BLNK: variants seen among roughly 807,000 people sequenced by gnomAD.
BLNK encodes B-cell linker protein.
A neutral mutation model predicts 73.5 loss-of-function variants in BLNK; 29 were observed. The observed-to-expected ratio is 0.39, with a 90% CI of 0.29 to 0.54. The LOEUF is 0.54. Among genes scored for constraint, BLNK ranks in the 20% least tolerant of loss-of-function variants. The pLI is 0.61. For missense variants in BLNK, 460 were observed against 562.8 expected (o/e 0.82, Z 1.85); for synonymous variants, 176 against 200.8 (o/e 0.88, Z 1.04).
chr10:96,264,678 G>T (rs191808321), intron 1 of BLNK, among the ~76,000 whole-genome samples: 1 of 152,168 alleles, frequency 6.6e-6, no homozygotes, highest in Non-Finnish European at 1.5e-5. Flanking sequence ...CCTACCCATC[G>T]GTTTCAAAAA....
chr10:96,257,737 A>G (rs1433558890), intron 1 of BLNK, among the ~76,000 whole-genome samples: 1 of 152,214 alleles, frequency 6.6e-6, no homozygotes, highest in Non-Finnish European at 1.5e-5. Flanking sequence ...TTATTCCACA[A>G]ATATTCAGTG....
chr10:96,190,274 C>G lies in BLNK; in HGVS notation c.*1699G>C, dbSNP rs1462962528. ...GAAAGCAGACGGAGATAAACGACCA[C>G]TGCTCAAGAGAACAGCCATACAGGA... is the stretch of plus-strand genomic sequence containing the variant. On this transcript the variant is annotated 3_prime_UTR_variant, in exon 17 of 17. Coordinates refer to ENST00000224337, the MANE Select transcript of BLNK (RefSeq NM_013314.4). The G allele has an allele frequency of 1.4e-6, 1 of 699,774 alleles. No individual in the cohort carries two copies. Among genetic ancestry groups the G allele is most frequent in the African/African-American group, 1.7e-5 (1 of 57,820 alleles). The allele number at this position is 699,774 out of a possible 1,614,324, so 43.3% of individuals were successfully genotyped here.
At chr10:96,229,377 G>C (rs1013546477) in intron 4 of BLNK, among the ~76,000 whole-genome samples, 2 of 152,108 alleles carry the variant, frequency 1.3e-5, no homozygotes, top group Non-Finnish European at 2.9e-5. Flanking sequence ...AATTCTGGAG[G>C]CTTTATTAAC....
chr10:96,255,421 A>G (rs1441616177), intron 1 of BLNK, among the ~76,000 whole-genome samples: 2 of 152,250 alleles, frequency 1.3e-5, no homozygotes, highest in African/African-American at 2.4e-5. Context: ...AAATAAGATC[A>G]TAAAACATCT....
chr10:96,270,048 AC>A (rs1844203250), intron 1 of BLNK, among the ~76,000 whole-genome samples: 1 of 151,652 alleles, frequency 6.6e-6, no homozygotes, highest in African/African-American at 2.4e-5. Context: ...CCATTGTATC[AC>A]CCCCGCCCCT....
intron 12 of BLNK, 26 bp downstream of exon 12, chr10:96,204,506 T>G: frequency 6.2e-7 from 1 of 1,609,516 alleles, no homozygotes; most frequent in Non-Finnish European, 8.5e-7. Flanking sequence ...AAGAGGAAAC[T>G]GATCTTTAAA....
rs1303770831 is a variant in BLNK, at chr10:96,190,625, A to G, written c.*1348T>C. Among the ~76,000 whole-genome samples the G allele has an allele frequency of 6.6e-6, 1 of 152,196 alleles. No individual in the cohort carries two copies. Among genetic ancestry groups the G allele is most frequent in the Non-Finnish European group, 1.5e-5 (1 of 68,036 alleles). On this transcript the variant is annotated 3_prime_UTR_variant, in exon 17 of 17. Transcript: ENST00000224337. ...GAAGTGAGTCATGAGTTACCCTGAA[A>G]TTATTACCTTCTGGCCTTTCAACAT...
intron 1 of BLNK, among the ~76,000 whole-genome samples, chr10:96,249,244 T>TC (rs1198675929): frequency 6.6e-6 from 1 of 152,208 alleles, no homozygotes; most frequent in East Asian, 1.9e-4. Context: ...TAGAAATAGT[T>TC]TAGCATAGGT....
At chr10:96,255,614 T>G (rs1554910850) in intron 1 of BLNK, among the ~76,000 whole-genome samples, 1 of 152,196 alleles carries the variant, frequency 6.6e-6, no homozygotes, top group Admixed American at 6.5e-5. Context: ...AGTGACTCTT[T>G]GTAAACAAAC....
Position 96,227,583 on chromosome 10 carries a change from A to G in BLNK, c.205-17T>C. 6.2e-7 allele frequency: 1 copy of G among 1,613,774 alleles called. No individual in the cohort carries two copies. Among genetic ancestry groups the G allele is most frequent in the Admixed American group, 1.7e-5 (1 of 60,036 alleles). ...GTCGCTGTCCTGCAAGTGCAGATGC[A>G]GACACTGTGCTCAGCATCCCCGTCT... On this transcript the variant is annotated splice_polypyrimidine_tract_variant and intron_variant, in intron 4 of 16. Coordinates refer to ENST00000224337, the MANE Select transcript of BLNK (RefSeq NM_013314.4).
intron 1 of BLNK, among the ~76,000 whole-genome samples, chr10:96,253,615 A>G (rs1843378495): frequency 6.6e-6 from 1 of 152,234 alleles, no homozygotes; most frequent in African/African-American, 2.4e-5. Context: ...ACCCTAAACC[A>G]TATCAATAGA....
intron 12 of BLNK, 120 bp from the exon 13 acceptor site, chr10:96,204,208 AATAAAATGTATCTAAAG>A (rs2083735644): frequency 5.5e-6 from 6 of 1,081,548 alleles, no homozygotes; most frequent in Non-Finnish European, 8.5e-6. Flanking sequence ...ACAAATGGCC[AATAAAATGTATCTAAAG>A]ATAAAAGAGC....
chr10:96,221,079 C>T lies in BLNK; in HGVS notation c.525+2747G>A, dbSNP rs141910084. On this transcript the variant is annotated intron_variant, in intron 6 of 16. Coordinates refer to ENST00000224337, the MANE Select transcript of BLNK (RefSeq NM_013314.4). ...TTTTATTGAATTCTTATAAAAATAC[C>T]CTCTAAATATATTCCCTCTGTGACC... Among the ~76,000 whole-genome samples the T allele has an allele frequency of 7.5e-3, 1,142 of 152,234 alleles. 9 individuals carry two copies. Among genetic ancestry groups the T allele is most frequent in the Non-Finnish European group, 0.012 (812 of 68,012 alleles).
chr10:96,250,520 C>T (rs1902707), intron 1 of BLNK, among the ~76,000 whole-genome samples: 2,340 of 151,828 alleles, frequency 0.015, 33 homozygotes, highest in South Asian at 0.061. Context: ...GGGCAGAGGG[C>T]AGCTCGTTGT....
chr10:96,237,063 A>G (rs66531557), intron 3 of BLNK, among the ~76,000 whole-genome samples: 10,459 of 152,146 alleles, frequency 0.069, 836 homozygotes, highest in East Asian at 0.41. Flanking sequence ...AAGCTTTAAA[A>G]TACCTTTGAG....
At chr10:96,194,768 A>ATTTTTTTTTTTTTTTTTTTTT (rs71034364) in intron 16 of BLNK, among the ~76,000 whole-genome samples, 1 of 110,286 alleles carries the variant, frequency 9.1e-6, no homozygotes, top group Non-Finnish European at 1.8e-5. Context: ...AGAAATGCAA[A>ATTTTTTTTTTTTTTTTTTTTT]TTTTTTTTTT....
chr10:96,238,792 C>T (rs1483339649), intron 3 of BLNK: 8 of 214,376 alleles, frequency 3.7e-5, no homozygotes, highest in East Asian at 2.8e-4. Context: ...GATGCATTTC[C>T]GAGACCCTGG....
chr10:96,258,109 A>G (rs117148433), intron 1 of BLNK, among the ~76,000 whole-genome samples: 4,384 of 152,278 alleles, frequency 0.029, 91 homozygotes, highest in Non-Finnish European at 0.042. Flanking sequence ...CGGCTTCCTA[A>G]TGCTCACTTC....
chr10:96,223,919 T>C lies in BLNK; in HGVS notation c.432A>G (p.Ser144=). 1 of 1,613,680 alleles carries C rather than the reference T, an allele frequency of 6.2e-7. No individual in the cohort carries two copies. The highest frequency in any genetic ancestry group is 1.8e-4 in the Middle Eastern group (1 of 5,664). The change falls in exon 6 of 17, where the codon TCA becomes TCG. Residue 144 remains serine (S), a synonymous_variant. Coordinates refer to ENST00000224337, the MANE Select transcript of BLNK (RefSeq NM_013314.4). ...KTLPSKPSWP[S]EKARLTSTLP... is the part of the protein sequence containing the mutation. ...GGGTGGAGGTGAGCCTTGCTTTCTC[T>C]GAAGGCCAGCTGGGCTTACTGGGAA...
Sources: allele counts gnomAD v4.1 joint callset (sites outside exome capture counted in the v4.1 genomes callset), GRCh38; gene constraint gnomAD v4.1.1; transcripts MANE v1.5; gene names NCBI Gene and HGNC (gene_info 2026-07-23, HGNC 2026-07-21).